Variants in LIAS observed in about 807,000 individuals in gnomAD.
LIAS encodes the protein lipoic acid synthetase.
A neutral mutation model predicts 49.4 loss-of-function variants in LIAS; 36 were observed. The ratio of observed to expected loss-of-function variants is 0.73; its 90% CI spans 0.56 to 0.96. The LOEUF is 0.96. Among genes scored for constraint, LIAS ranks in the 40% least tolerant of loss-of-function variants. LIAS has a pLI of 0.00. For missense variants in LIAS, 399 were observed against 456.3 expected (o/e 0.87, Z 1.14); for synonymous variants, 145 against 155.8 (o/e 0.93, Z 0.52).
At chr4:39,464,995 C>A in intron 4 of LIAS, 51 bp from the exon 5 acceptor site, 2 of 1,476,030 alleles carry the variant, frequency 1.4e-6, no homozygotes, top group South Asian at 1.2e-5. Flanking sequence ...AACATTATGT[C>A]CTTAAGGGTC....
In LIAS at chr4:39,463,543, T is replaced by A. The variant is rs747124026; in HGVS notation, c.331T>A (p.Cys111Ser). ...NLHTVCEEAR[C>S]PNIGECWGGG... is the part of the protein sequence containing the mutation. ...CATACAGGTATGTGAGGAAGCTCGA[T>A]GTCCCAATATTGGAGAGTGTTGGGG... is the stretch of plus-strand genomic sequence containing the variant. The change falls in exon 4 of 11, where the codon TGT becomes AGT. Residue 111 changes from cysteine to serine, a missense_variant. Cys to Ser is a moderately radical substitution (Grantham distance 112, BLOSUM62 -1). Coordinates refer to ENST00000640888, the MANE Select transcript of LIAS (RefSeq NM_006859.4). The A allele has an allele frequency of 4.7e-5, 75 of 1,609,338 alleles. No homozygotes were observed. Among genetic ancestry groups the A allele is most frequent in the Non-Finnish European group, 5.8e-5 (68 of 1,177,164 alleles).
intron 1 of LIAS, among the ~76,000 whole-genome samples, chr4:39,459,958 T>TG (rs1256442419): frequency 9.0e-6 from 1 of 110,854 alleles, no homozygotes; most frequent in Admixed American, 9.2e-5. Context: ...AGACTCCATC[T>TG]CAAAAAAAAA....
rs3836576 is a variant in LIAS at position 39,459,959 on chromosome 4, C to CAA, written c.45+809_45+810dup. 6.1e-3 allele frequency among the ~76,000 whole-genome samples: 819 copies of CAA among 135,082 alleles called. 4 individuals are homozygous for CAA. The highest frequency in any genetic ancestry group is 0.015 in the South Asian group (62 of 4,194). The allele number at this position is 135,082 out of a possible 152,430, so 88.6% of individuals were successfully genotyped here. ...TGGGCGACAGAGCGAGACTCCATCT[C>CAA]AAAAAAAAAAAAAGAAAAAGAAAGT... On this transcript the variant is annotated intron_variant, in intron 1 of 10. Coordinates refer to ENST00000640888, the MANE Select transcript of LIAS (RefSeq NM_006859.4).
At chr4:39,469,796 C>A in intron 7 of LIAS, 2 of 391,458 alleles carry the variant, frequency 5.1e-6, no homozygotes, top group Non-Finnish European at 9.1e-6. Context: ...GTAATTTCTT[C>A]CATTCTACTT....
At chr4:39,477,002 A>C in intron 10 of LIAS, 61 bp from the exon 11 acceptor site, 1 of 1,081,008 alleles carries the variant, frequency 9.3e-7, no homozygotes, top group Non-Finnish European at 1.3e-6. Context: ...ATTCTGAAAT[A>C]GTTGTCTCAC....
chr4:39,467,623 A>G lies in LIAS; in HGVS notation c.714A>G (p.Val238=), dbSNP rs370946425. The change falls in exon 7 of 11, where the codon GTA becomes GTG. Residue 238 remains valine (V), a synonymous_variant. Transcript: ENST00000640888. ...LSGLDVYAHN[V]ETVPELQSKV... Reference sequence around the variant, plus strand: ...GATTAGATGTGTATGCACATAATGTAGAAACAGTCCCGGAATTACAGAGGT... The same window carrying G: ...GATTAGATGTGTATGCACATAATGTGGAAACAGTCCCGGAATTACAGAGGT... 5.0e-6 allele frequency: 8 copies of G among 1,588,824 alleles called. No homozygotes were observed. In the African/African-American group the frequency reaches 5.4e-5, roughly 11 times the overall value.
chr4:39,471,407 C>A, intron 9 of LIAS, 101 bp downstream of exon 9: 1 of 824,740 alleles, frequency 1.2e-6, no homozygotes, highest in Non-Finnish European at 1.9e-6. Flanking sequence ...AATCTCGGCT[C>A]ACTGTAATCT....
rs369125654 is a variant in LIAS, at chr4:39,460,824, C to T, written c.80C>T (p.Pro27Leu). Residue 27 changes from proline (P) to leucine (L), a missense_variant, in exon 2 of 11, where the codon CCG (proline) becomes CTG (leucine). Around this residue, in one of 3 missense-constraint regions of LIAS, gnomAD observed 159 missense variants for 147.6 expected, o/e 1.08. Transcript: ENST00000640888. ...FGRYFCSPVR[P>L]LSSLPDKKKE... ...AGATATTTTTGCAGCCCAGTCAGAC[C>T]GTTAAGCTCCTTGCCAGATAAAAAA... 3.1e-5 allele frequency: 49 copies of T among 1,593,974 alleles called. No individual in the cohort carries two copies. Among genetic ancestry groups the T allele is most frequent in the Non-Finnish European group, 3.8e-5 (45 of 1,173,042 alleles).
intron 10 of LIAS, among the ~76,000 whole-genome samples, chr4:39,474,525 C>T (rs549328980): frequency 5.9e-5 from 9 of 152,024 alleles, no homozygotes; most frequent in East Asian, 1.9e-4. Flanking sequence ...GCAGGAGGAT[C>T]GCATGGGCCC....
At chr4:39,467,353 TAA>T in intron 6 of LIAS, 163 bp from the exon 7 acceptor site, 1 of 493,860 alleles carries the variant, frequency 2.0e-6, no homozygotes, top group Non-Finnish European at 3.3e-6. Context: ...TTTTTTTTTT[TAA>T]TAATGGTTCA....
intron 6 of LIAS, chr4:39,466,093 G>A (rs1051259044): frequency 5.9e-5 from 9 of 152,168 alleles, no homozygotes; most frequent in African/African-American, 2.2e-4. Flanking sequence ...TTCTGCCTCA[G>A]CCTCCCAAGT....
intron 1 of LIAS, among the ~76,000 whole-genome samples, chr4:39,459,587 CTT>C (rs1221191675): frequency 1.3e-5 from 2 of 152,210 alleles, no homozygotes; most frequent in Non-Finnish European, 2.9e-5. Context: ...AACAGGCACT[CTT>C]TGAGTTGTCG....
rs1474947142 is a variant in LIAS at position 39,460,877 on chromosome 4, C to G, written c.133C>G (p.Leu45Val). 6.2e-7 allele frequency: 1 copy of G among 1,613,264 alleles called. No individual in the cohort carries two copies. The change falls in exon 2 of 11, where the codon CTT becomes GTT. Residue 45 changes from leucine to valine, a missense_variant. Around this residue, in one of 3 missense-constraint regions of LIAS, gnomAD observed 159 missense variants for 147.6 expected, o/e 1.08. Coordinates refer to ENST00000640888, the MANE Select transcript of LIAS (RefSeq NM_006859.4). ...GGAACTCCTACAGAATGGACCAGAC[C>G]TTCAAGATTTTGTATCTGGTGATCT... ...KKELLQNGPD[L>V]QDFVSGDLAD...
chr4:39,465,003 G>A (rs1335205005), intron 4 of LIAS, 43 bp from the exon 5 acceptor site: 2 of 1,514,998 alleles, frequency 1.3e-6, no homozygotes, highest in African/African-American at 2.7e-5. Flanking sequence ...GTCCTTAAGG[G>A]TCATCTGTCT....
intron 4 of LIAS, among the ~76,000 whole-genome samples, chr4:39,464,836 A>G (rs986129222): frequency 3.9e-5 from 6 of 152,070 alleles, no homozygotes; most frequent in South Asian, 2.1e-4. Flanking sequence ...TCCCCTGAAC[A>G]CTATTCTTAT....
Position 39,470,082 on chromosome 4 carries a change from G to A in LIAS, c.801G>A (p.Lys267=). The part of the protein sequence containing the change: ...QSLRVLKHAK[K]VQPDVISKTS... ...TACGTGTACTGAAACATGCCAAGAA[G>A]GTTCAGCCTGATGTTATTTCTAAAA... The change falls in exon 8 of 11, where the codon AAG becomes AAA. Residue 267 remains lysine, a synonymous_variant. Coordinates refer to ENST00000640888, the MANE Select transcript of LIAS (RefSeq NM_006859.4). The A allele has an allele frequency of 6.2e-7, 1 of 1,614,048 alleles. No individual in the cohort carries two copies. Among genetic ancestry groups the A allele is most frequent in the South Asian group, 1.1e-5 (1 of 91,076 alleles).
intron 1 of LIAS, 42 bp from the exon 2 acceptor site, chr4:39,460,748 C>A: frequency 6.8e-7 from 1 of 1,478,844 alleles, no homozygotes; most frequent in Non-Finnish European, 9.1e-7. Context: ...TAAATTATTA[C>A]GGACTCCACT....
chr4:39,476,610 A>C (rs1218177451), intron 10 of LIAS: 1 of 153,608 alleles, frequency 6.5e-6, no homozygotes, highest in Non-Finnish European at 1.4e-5. Flanking sequence ...AGAGGGGAAT[A>C]AGCTAAAGAG....
intron 9 of LIAS, 64 bp downstream of exon 9, chr4:39,471,370 G>A: frequency 1.6e-6 from 2 of 1,289,606 alleles, no homozygotes; most frequent in Non-Finnish European, 1.1e-6. Context: ...TTTTGCTCTT[G>A]TCGCCTGAGC....
Sources: allele counts gnomAD v4.1 joint callset (sites outside exome capture counted in the v4.1 genomes callset), GRCh38; gene constraint gnomAD v4.1.1; regional missense constraint gnomAD v4.1.1; transcripts MANE v1.5; gene names NCBI Gene and HGNC (gene_info 2026-07-23, HGNC 2026-07-21).